The following RNF24 variants were observed in gnomAD, a reference collection of about 807,000 sequenced individuals.
RNF24 encodes the protein ring finger protein 24.
A neutral mutation model predicts 20.0 loss-of-function variants in RNF24; 14 were observed. The ratio of observed to expected loss-of-function variants is 0.70; its 90% CI spans 0.46 to 1.10. The LOEUF is 1.10. Among genes scored for constraint, RNF24 ranks in the 50% least tolerant of loss-of-function variants. The pLI is 0.00. For synonymous variants in RNF24, 45 were observed against 61.1 expected, an observed-to-expected ratio of 0.74 and a Z score of 1.23; for missense variants, 124 against 177.6, an observed-to-expected ratio of 0.70 and a Z score of 1.71.
intron 1 of RNF24, among the ~76,000 whole-genome samples, chr20:3,968,628 C>T (rs2091283895): frequency 6.6e-6 from 1 of 152,076 alleles, no homozygotes; most frequent in African/African-American, 2.4e-5. Context: ...AAAGAGAAAG[C>T]TTTTGACATA....
At chr20:3,980,100 A>G (rs1979255221) in intron 1 of RNF24, among the ~76,000 whole-genome samples, 1 of 152,244 alleles carries the variant, frequency 6.6e-6, no homozygotes, top group Non-Finnish European at 1.5e-5. Context: ...CATCCATGAG[A>G]TAATTTGAGT....
At chr20:3,979,845 G>C (rs1324294921) in intron 1 of RNF24, among the ~76,000 whole-genome samples, 2 of 151,802 alleles carry the variant, frequency 1.3e-5, no homozygotes, top group African/African-American at 2.4e-5. Context: ...CTACTGTGTA[G>C]GTGTATAAGT....
rs541631100 is a variant in RNF24, at chr20:3,984,713, T to A, written c.-7-20689A>T. On this transcript the variant is annotated intron_variant, in intron 1 of 5. Coordinates refer to ENST00000358395, the MANE Select transcript of RNF24 (RefSeq NM_001134337.3). ...TGTTCCGTAAACATTTTTCTAAGAG[T>A]ATCTTCTCTCTATTGTTTGAGTTTA... 9.2e-5 allele frequency among the ~76,000 whole-genome samples: 14 copies of A among 152,176 alleles called. 1 individual carries two copies. The South Asian group carries it at 2.9e-3, about 32-fold the overall frequency.
chr20:3,975,268 T>C (rs1465570939), intron 1 of RNF24, among the ~76,000 whole-genome samples: 5 of 152,186 alleles, frequency 3.3e-5, no homozygotes, highest in African/African-American at 9.6e-5. Flanking sequence ...AAGTGGATCA[T>C]GAACTTAAAC....
chr20:4,010,985 T>C (rs1568675662), intron 1 of RNF24, among the ~76,000 whole-genome samples: 1 of 152,154 alleles, frequency 6.6e-6, no homozygotes, highest in Admixed American at 6.6e-5. Context: ...TTGGGTGAGA[T>C]GGGGGGAGTA....
chr20:4,013,126 C>T (rs1982596658), intron 1 of RNF24, among the ~76,000 whole-genome samples: 1 of 151,724 alleles, frequency 6.6e-6, no homozygotes, highest in South Asian at 2.1e-4. Context: ...CCAAAACATC[C>T]CCAATTGAAA....
At chr20:3,966,782 T>C (rs576758307) in intron 1 of RNF24, among the ~76,000 whole-genome samples, 2 of 152,234 alleles carry the variant, frequency 1.3e-5, no homozygotes, top group East Asian at 1.9e-4. Context: ...GTTCTTGAAA[T>C]TGGTACAATT....
chr20:4,010,809 C>T (rs190130221), intron 1 of RNF24, among the ~76,000 whole-genome samples: 5 of 152,302 alleles, frequency 3.3e-5, no homozygotes, highest in Non-Finnish European at 5.9e-5. Context: ...GGCCTGATGG[C>T]GCTGGGCACC....
rs1600677329 is a variant in RNF24 at position 3,974,227 on chromosome 20, T to C, written c.-7-10203A>G. On this transcript the variant is annotated intron_variant, in intron 1 of 5. Transcript: ENST00000358395. ...AATGGAAGAGAACTTCTTCAACATG[T>C]TAAAAAGCATCTACAAAAAACAAAC... 3.5e-6 allele frequency: 4 copies of C among 1,154,218 alleles called. No individual in the cohort carries two copies. The East Asian group carries it at 1.1e-4, about 31-fold the overall frequency. The allele number at this position is 1,154,218 out of a possible 1,614,324, so 71.5% of individuals were successfully genotyped here. A position where few individuals can be genotyped will look rare whatever the true frequency, so the allele number is the denominator to read the frequency against.
intron 1 of RNF24, among the ~76,000 whole-genome samples, chr20:3,993,438 C>CA (rs1179249739): frequency 6.6e-6 from 1 of 152,146 alleles, no homozygotes; most frequent in African/African-American, 2.4e-5. Flanking sequence ...AGGAGCCCGT[C>CA]ACCACACCCA....
chr20:3,966,507 T>TGTGTGTGTGTGTGTGTG (rs60638000), intron 1 of RNF24, among the ~76,000 whole-genome samples: 83 of 145,384 alleles, frequency 5.7e-4, no homozygotes, highest in South Asian at 1.1e-3. Context: ...TGTGTGTGTG[T>TGTGTGTGTGTGTGTGTG]TTGGGGAAAG....
In RNF24 at chr20:3,934,803, CCA is replaced by C. The variant is rs2090870157; in HGVS notation, c.308+189_308+190del. ...ATAGTCCTGACGTGGTGGTCACGTT[CCA>C]CCACTCTGCTGTCTCCTAATGTCAC... is the stretch of plus-strand genomic sequence containing the variant. On this transcript the variant is annotated intron_variant, in intron 5 of 5. Coordinates refer to ENST00000358395, the MANE Select transcript of RNF24 (RefSeq NM_001134337.3). This position sits in a 1 kb window ranked among gnomAD's most constrained non-coding sequence, Gnocchi z 4.0. 6.6e-6 allele frequency among the ~76,000 whole-genome samples: 1 copy of C among 152,086 alleles called. No homozygotes were observed. The highest frequency in any genetic ancestry group is 1.9e-4 in the East Asian group (1 of 5,184).
chr20:3,943,332 G>A (rs1358675244), intron 4 of RNF24, among the ~76,000 whole-genome samples: 3 of 148,728 alleles, frequency 2.0e-5, no homozygotes, highest in South Asian at 4.2e-4. Context: ...ATACAGATGA[G>A]CTGATGCTAC....
intron 3 of RNF24, among the ~76,000 whole-genome samples, chr20:3,946,811 G>A (rs945773568): frequency 3.3e-5 from 5 of 152,118 alleles, no homozygotes; most frequent in African/African-American, 9.7e-5. Context: ...AGAGTGTGGG[G>A]TTACCTAAGG....
chr20:4,002,892 T>C (rs1241815183), intron 1 of RNF24, among the ~76,000 whole-genome samples: 2 of 152,234 alleles, frequency 1.3e-5, no homozygotes, highest in Non-Finnish European at 1.5e-5. Flanking sequence ...TGGTAGTGAA[T>C]TGAAATAGAG....
rs1486302776 is a variant in RNF24, at chr20:3,934,964, C to T, written c.308+30G>A. The T allele has an allele frequency of 1.3e-6, 2 of 1,590,928 alleles. No individual in the cohort carries two copies. The highest frequency in any genetic ancestry group is 1.7e-5 in the Admixed American group (1 of 59,942). Reference sequence around the variant, plus strand: ...TGGTTGATGTGCCTCAAACTCGGGTCCCATTAAGTAATTCCATACCAATAC... The same window carrying T: ...TGGTTGATGTGCCTCAAACTCGGGTTCCATTAAGTAATTCCATACCAATAC... On this transcript the variant is annotated intron_variant, in intron 5 of 5. Coordinates refer to ENST00000358395, the MANE Select transcript of RNF24 (RefSeq NM_001134337.3). The surrounding 1 kb of genome is among the most constrained non-coding windows in gnomAD (Gnocchi z 4.0).
At position 3,928,677 on chromosome 20, in the gene RNF24, G is replaced by T. The variant is rs2090765791; in HGVS notation, c.*5386C>A. 6.8e-6 allele frequency: 1 copy of T among 147,672 alleles called. No individual in the cohort carries two copies. The highest frequency in any genetic ancestry group is 6.8e-5 in the Admixed American group (1 of 14,772). The allele number at this position is 147,672 out of a possible 1,614,324, so 9.1% of individuals were successfully genotyped here. ...GCGGGAGAATGGCGTGAACCTGGGA[G>T]GCGGAGCTTGCAGTGGGCCAAGATC... On this transcript the variant is annotated 3_prime_UTR_variant, in exon 6 of 6. Transcript: ENST00000358395.
chr20:3,977,807 C>T (rs891290471), intron 1 of RNF24, among the ~76,000 whole-genome samples: 3 of 145,506 alleles, frequency 2.1e-5, no homozygotes, highest in Admixed American at 7.1e-5. Context: ...GAGCTTGCAG[C>T]GAGCAGAGAT....
chr20:3,963,333 C>T (rs2091223071), intron 2 of RNF24, among the ~76,000 whole-genome samples: 1 of 152,162 alleles, frequency 6.6e-6, no homozygotes, highest in African/African-American at 2.4e-5. Context: ...GCTGGGATTA[C>T]AGGCATGAGC....
Sources: gnomAD v4.1 joint callset for allele counts (sites outside exome capture counted in the v4.1 genomes callset) on GRCh38, gnomAD v4.1.1 for gene constraint, Gnocchi (gnomAD v3.1) non-coding constraint, MANE v1.5 for transcripts, NCBI Gene and HGNC (gene_info 2026-07-23, HGNC 2026-07-21) for gene names.